Variants in GATA2 observed in about 807,000 individuals in gnomAD.
The protein encoded by GATA2 is endothelial transcription factor GATA-2.
Under a neutral mutation model 35.7 loss-of-function variants are expected in GATA2, and 6 were observed. That is an observed-to-expected ratio of 0.17 (90% confidence interval 0.09 to 0.33). GATA2 has a LOEUF of 0.33. Among genes scored for constraint, GATA2 ranks in the 10% least tolerant of loss-of-function variants. The probability of loss-of-function intolerance (pLI) is 1.00; values close to 1 mark genes in which losing one functional copy is unlikely to be tolerated. For missense variants in GATA2, 541 were observed against 656.6 expected (o/e 0.82, Z 1.92); for synonymous variants, 313 against 274.9 (o/e 1.14, Z -1.37).
Position 128,485,715 on chromosome 3 carries a change from A to G in GATA2, c.871+12T>C. ...TCCCCTCTTCCACGAAGTCCCCAGCACCTGCCTTTACCTGAACAGGAACGA... is the reference window on the plus strand; with the variant it reads ...TCCCCTCTTCCACGAAGTCCCCAGCGCCTGCCTTTACCTGAACAGGAACGA... On this transcript the variant is annotated intron_variant, in intron 3 of 5. Transcript: ENST00000341105. 1 of 1,612,946 alleles carries G rather than the reference A, an allele frequency of 6.2e-7. No individual in the cohort carries two copies. Among genetic ancestry groups the G allele is most frequent in the Non-Finnish European group, 8.5e-7 (1 of 1,179,724 alleles).
intron 1 of GATA2, among the ~76,000 whole-genome samples, chr3:128,491,208 GCCC>G (rs373070119): frequency 0.051 from 5,474 of 107,436 alleles, 719 homozygotes; most frequent in African/African-American, 0.21. Flanking sequence ...CGGCCGTCCA[GCCC>G]CCCCCCCCCT....
At chr3:128,482,780 G>C (rs2068646164) in intron 4 of GATA2, among the ~76,000 whole-genome samples, 1 of 152,220 alleles carries the variant, frequency 6.6e-6, no homozygotes, top group Admixed American at 6.5e-5. Context: ...GAAGCTAGAG[G>C]GAGGCTTTAC....
At chr3:128,491,495 G>A (rs748837497) in intron 1 of GATA2, among the ~76,000 whole-genome samples, 2 of 151,936 alleles carry the variant, frequency 1.3e-5, no homozygotes, top group Admixed American at 6.6e-5. Flanking sequence ...TAGCAGATGG[G>A]TTCAGAAGTT....
At chr3:128,492,820 A>G (rs928321096) in intron 1 of GATA2, 79 bp downstream of exon 1, 2 of 152,324 alleles carry the variant, frequency 1.3e-5, no homozygotes, top group African/African-American at 2.4e-5. Flanking sequence ...AAACGGACCA[A>G]GCGATTCGGG....
chr3:128,487,191 A>G (rs1452073059), intron 1 of GATA2, 115 bp from the exon 2 acceptor site: 3 of 623,188 alleles, frequency 4.8e-6, no homozygotes, highest in African/African-American at 1.9e-5. Flanking sequence ...GAGAAAGAGC[A>G]CCAGTCCCGG....
At chr3:128,484,060 A>AG (rs1317968614) in intron 3 of GATA2, 55 bp from the exon 4 acceptor site, 9 of 1,593,668 alleles carry the variant, frequency 5.6e-6, no homozygotes, top group Non-Finnish European at 7.7e-6. Context: ...AGTTCTCGGG[A>AG]GGGAGTCCAG....
chr3:128,489,713 C>A (rs1253353775), intron 1 of GATA2: 2 of 152,246 alleles, frequency 1.3e-5, no homozygotes, highest in African/African-American at 4.8e-5. Flanking sequence ...CCCCTCAACG[C>A]GTGCGGTCCC....
At chr3:128,485,497 G>T (rs1380550311) in intron 3 of GATA2, among the ~76,000 whole-genome samples, 1 of 152,196 alleles carries the variant, frequency 6.6e-6, no homozygotes. Context: ...CTGGGGCAAG[G>T]AACTGAACTT....
At position 128,486,909 on chromosome 3, in the gene GATA2, A is replaced by G. The variant is rs1022734850; in HGVS notation, c.123T>C (p.Pro41=). The G allele has an allele frequency of 1.1e-5, 17 of 1,612,738 alleles. No homozygotes were observed. The highest frequency in any genetic ancestry group is 2.7e-5 in the African/African-American group (2 of 74,922). The change falls in exon 2 of 6, where the codon CCT becomes CCC. Residue 41 remains proline (P), a synonymous_variant. Coordinates refer to ENST00000341105, the MANE Select transcript of GATA2 (RefSeq NM_032638.5). ...TGAAGAAGACGTCCACCTCGTCTGG[A>G]GGCAGCAGCTGCGCGGGTTCCATGT... ...HNYMEPAQLL[P]PDEVDVFFNH... is the part of the protein sequence containing the mutation.
chr3:128,491,143 G>C (rs1346161472), intron 1 of GATA2, among the ~76,000 whole-genome samples: 2 of 151,392 alleles, frequency 1.3e-5, no homozygotes, highest in African/African-American at 4.9e-5. Context: ...GTGCTTCTCA[G>C]GCCTCTACTA....
rs1183376673 is a variant in GATA2, at chr3:128,492,955, G to C, written c.-102C>G. The C allele has an allele frequency of 2.0e-5, 3 of 152,984 alleles. No individual in the cohort carries two copies. Among genetic ancestry groups the C allele is most frequent in the Non-Finnish European group, 4.4e-5 (3 of 68,710 alleles). 9.5% of individuals were successfully genotyped at this position (152,984 alleles called of 1,614,324 possible). On this transcript the variant is annotated 5_prime_UTR_variant, in exon 1 of 6. Transcript: ENST00000341105. The stretch of plus-strand genomic sequence containing the variant: ...CGGACGGGGCCTGGAGTAGAGCTGG[G>C]AGCAGGGCGAGGTGCGCGGCAGGCG...
chr3:128,488,667 A>C lies in GATA2; in HGVS notation c.-45-1591T>G, dbSNP rs2068738042. Reference sequence around the variant, plus strand: ...ACTGGCGCCGGCGCCAGCTGGAGGGAGACGCCCCCGGGCAAGAGGTGGCAT... The same window carrying C: ...ACTGGCGCCGGCGCCAGCTGGAGGGCGACGCCCCCGGGCAAGAGGTGGCAT... On this transcript the variant is annotated intron_variant, in intron 1 of 5. Transcript: ENST00000341105. This position sits in a 1 kb window ranked among gnomAD's most constrained non-coding sequence, Gnocchi z 5.8. The C allele has an allele frequency of 6.6e-6, 1 of 150,886 alleles. No individual in the cohort carries two copies. The highest frequency in any genetic ancestry group is 2.4e-5 in the African/African-American group (1 of 41,068). The allele number at this position is 150,886 out of a possible 1,614,324, so 9.3% of individuals were successfully genotyped here.
rs746362966 is a variant in GATA2, at chr3:128,486,185, A to G, written c.413T>C (p.Leu138Pro). 7.2e-5 allele frequency: 112 copies of G among 1,563,818 alleles called. No homozygotes were observed. Among genetic ancestry groups the G allele is most frequent in the Non-Finnish European group, 9.2e-5 (106 of 1,154,494 alleles). ...ACCCCCAGCCCCTGGGTACACAGAG[A>G]GTGGGCCTCCAGGGCCTCCAGCAGC... is the stretch of plus-strand genomic sequence containing the variant. ...PSAAGGPGGP[L>P]SVYPGAGGGS... Residue 138 changes from leucine to proline, a missense_variant, in exon 3 of 6, where the codon CTC becomes CCC. Transcript: ENST00000341105.
Position 128,485,769 on chromosome 3 carries a change from T to C in GATA2, c.829A>G (p.Ser277Gly), listed in dbSNP as rs141800945. The change falls in exon 3 of 6, where the codon AGC (serine) becomes GGC (glycine). Residue 277 changes from serine (S) to glycine (G), a missense_variant. Ser to Gly is a moderately conservative substitution (Grantham distance 56). This residue lies in a region of GATA2 where 389 missense variants were observed against 396.9 expected (regional missense o/e 0.98). Transcript: ENST00000341105. ...PGGFLGGPAS[S>G]FTPKQRSKAR... ...TTGCTGCGCTGCTTAGGGGTGAAGC[T>C]GGAGGCCGGTCCCCCCAGGAAGCCT... 219 of 1,613,988 alleles carry C rather than the reference T, an allele frequency of 1.4e-4. No homozygotes were observed. Among genetic ancestry groups the C allele is most frequent in the Non-Finnish European group, 1.6e-4 (192 of 1,179,994 alleles).
At position 128,479,597 on chromosome 3, in the gene GATA2, G is replaced by GA. The variant is rs1436639994; in HGVS notation, c.*1421dup. 4.3e-6 allele frequency: 1 copy of GA among 233,456 alleles called. No individual in the cohort carries two copies. Among genetic ancestry groups the GA allele is most frequent in the Non-Finnish European group, 8.5e-6 (1 of 117,922 alleles). The allele number at this position is 233,456 out of a possible 1,614,324, so 14.5% of individuals were successfully genotyped here. On this transcript the variant is annotated 3_prime_UTR_variant, in exon 6 of 6. Coordinates refer to ENST00000341105, the MANE Select transcript of GATA2 (RefSeq NM_032638.5). ...AAACATAAAAACAGAAAATACTGCC[G>GA]ATTCTTTTTCTTATGCGGACACTAG...
At chr3:128,489,379 TC>T (rs1264728189) in intron 1 of GATA2, 1 of 152,292 alleles carries the variant, frequency 6.6e-6, no homozygotes, top group Non-Finnish European at 1.5e-5. Flanking sequence ...TGCCTAGGCG[TC>T]TGGCGTCCGT....
chr3:128,492,274 C>T (rs770636144), intron 1 of GATA2: 2 of 152,256 alleles, frequency 1.3e-5, no homozygotes, highest in Non-Finnish European at 2.9e-5. Flanking sequence ...AGATCCAGAA[C>T]GCCGTCTACG....
rs754297885 is a variant in GATA2, at chr3:128,481,031, G to A, written c.1431C>T (p.Thr477=). 204 of 1,577,856 alleles carry A rather than the reference G, an allele frequency of 1.3e-4. No individual in the cohort carries two copies. The highest frequency in any genetic ancestry group is 4.5e-4 in the Admixed American group (26 of 58,064). ...GTCCATCTGTTCCCTAGCCCATGGC[G>A]GTCACCATGCTGGACGGGTGGGGGT... ...FGHPHPSSMV[T]AMG The change falls in exon 6 of 6, where the codon ACC becomes ACT. Residue 477 remains threonine (T), a synonymous_variant. Transcript: ENST00000341105.
chr3:128,480,725 C>T lies in GATA2; in HGVS notation c.*294G>A. 2.5e-6 allele frequency: 1 copy of T among 404,306 alleles called. No homozygotes were observed. Among genetic ancestry groups the T allele is most frequent in the African/African-American group, 2.0e-5 (1 of 49,170 alleles). The allele number at this position is 404,306 out of a possible 1,614,324, so 25.0% of individuals were successfully genotyped here. A position where few individuals can be genotyped will look rare whatever the true frequency, so the allele number is the denominator to read the frequency against. ...TCCTTTTTCCTTCTAAAAATGGTTGCCTTCGTCTGTCCCGTCCCCTCCTTT... is the reference window on the plus strand; with the variant it reads ...TCCTTTTTCCTTCTAAAAATGGTTGTCTTCGTCTGTCCCGTCCCCTCCTTT... On this transcript the variant is annotated 3_prime_UTR_variant, in exon 6 of 6. Coordinates refer to ENST00000341105, the MANE Select transcript of GATA2 (RefSeq NM_032638.5).
Sources: gnomAD v4.1 joint callset for allele counts (sites outside exome capture counted in the v4.1 genomes callset) on GRCh38, gnomAD v4.1.1 for gene constraint, gnomAD v4.1.1 regional missense constraint, Gnocchi (gnomAD v3.1) non-coding constraint, MANE v1.5 for transcripts, NCBI Gene and HGNC (gene_info 2026-07-23, HGNC 2026-07-21) for gene names.